Variants in FARP2 observed in about 807,000 individuals in gnomAD.
FARP2 encodes the protein FERM, ARH/RhoGEF and pleckstrin domain protein 2.
In FARP2, 111 loss-of-function variants were observed where a neutral mutation model predicts 130.5. The observed-to-expected ratio is 0.85, with a 90% confidence interval of 0.73 to 1.00. The LOEUF is 1.00. Among genes scored for constraint, FARP2 ranks in the 50% least tolerant of loss-of-function variants. The pLI, the probability that FARP2 is intolerant of heterozygous loss-of-function variation, is 0.00. For synonymous variants in FARP2, 504 were observed against 516.9 expected (o/e 0.98, Z 0.34); for missense variants, 1,385 against 1,346.3 (o/e 1.03, Z -0.45).
intron 18 of FARP2, among the ~76,000 whole-genome samples, chr2:241,471,653 C>A (rs188529818): frequency 6.6e-5 from 10 of 151,728 alleles, no homozygotes; most frequent in Non-Finnish European, 1.3e-4. Context: ...GACACCACGC[C>A]TGTCTAATTT....
At chr2:241,474,798 TAATAATAAATAAATA>T (rs2064412044) in intron 18 of FARP2, among the ~76,000 whole-genome samples, 2 of 104,178 alleles carry the variant, frequency 1.9e-5, no homozygotes, top group African/African-American at 3.6e-5. Flanking sequence ...TCTCTAATAA[TAATAATAAATAAATA>T]AATAAATAAA....
intron 2 of FARP2, 101 bp from the exon 3 acceptor site, chr2:241,403,727 G>A: frequency 6.4e-6 from 4 of 621,450 alleles, no homozygotes; most frequent in South Asian, 5.0e-5. Context: ...GGAAGACAAA[G>A]TGATTTTATG....
chr2:241,480,249 CAT>C (rs2064581328), intron 19 of FARP2, among the ~76,000 whole-genome samples: 1 of 136,086 alleles, frequency 7.3e-6, no homozygotes, highest in Non-Finnish European at 1.7e-5. Context: ...GCCTAGGCCT[CAT>C]CTTCTTCTTT....
At chr2:241,471,774 C>T (rs1426131015) in intron 18 of FARP2, among the ~76,000 whole-genome samples, 4 of 152,110 alleles carry the variant, frequency 2.6e-5, no homozygotes, top group Admixed American at 6.5e-5. Context: ...GGATTACAGG[C>T]ATGAGCCACC....
intron 2 of FARP2, among the ~76,000 whole-genome samples, chr2:241,381,226 G>C (rs939499511): frequency 1.3e-5 from 2 of 152,048 alleles, no homozygotes; most frequent in African/African-American, 4.8e-5. Flanking sequence ...GGCCTGTTCT[G>C]ATTGCCACCG....
chr2:241,424,800 A>G (rs144426609), intron 8 of FARP2, among the ~76,000 whole-genome samples: 51 of 152,352 alleles, frequency 3.3e-4, no homozygotes, highest in African/African-American at 1.2e-3. Context: ...ATAAACGATC[A>G]TCAGAGAATG....
rs535884301 is a variant in FARP2, at chr2:241,467,426, G to C, written c.1894-714G>C. 3.9e-5 allele frequency among the ~76,000 whole-genome samples: 6 copies of C among 152,182 alleles called. No individual in the cohort carries two copies. In the South Asian group the frequency reaches 6.2e-4, roughly 16 times the overall value. ...TTTGGGAGGCTGAGATGGGTGGATT[G>C]CTTAAGCTCAGGAGTTCGAGACCAG... On this transcript the variant is annotated intron_variant, in intron 17 of 26. Transcript: ENST00000264042.
chr2:241,488,192 T>G (rs1281628028), intron 21 of FARP2: 1 of 152,184 alleles, frequency 6.6e-6, no homozygotes, highest in East Asian at 1.9e-4. Flanking sequence ...GTATGGGCAC[T>G]TGAAGTTCCG....
chr2:241,387,445 G>A (rs2061810665), intron 2 of FARP2: 1 of 152,176 alleles, frequency 6.6e-6, no homozygotes, highest in Non-Finnish European at 1.5e-5. Context: ...AATATACCAA[G>A]ATCAATTGCA....
At chr2:241,410,105 C>A (rs2062475766) in intron 5 of FARP2, among the ~76,000 whole-genome samples, 1 of 152,192 alleles carries the variant, frequency 6.6e-6, no homozygotes, top group African/African-American at 2.4e-5. Context: ...GTAATTCACG[C>A]TCAGTAATTA....
chr2:241,379,042 C>T lies in FARP2; in HGVS notation c.183+5752C>T, dbSNP rs1003847119. ...TGCCTTGTCTTGTGTGCTAAGTCAT[C>T]GGGTAGAAATACTTTCAGCTCCAAA... On this transcript the variant is annotated intron_variant, in intron 2 of 26. Transcript: ENST00000264042. Among the ~76,000 whole-genome samples, 28 of 152,108 alleles carry T rather than the reference C, an allele frequency of 1.8e-4. 1 individual carries two copies. Among genetic ancestry groups the T allele is most frequent in the African/African-American group, 6.3e-4 (26 of 41,404 alleles).
At chr2:241,434,831 G>A (rs2063181750) in intron 10 of FARP2, 131 bp from the exon 11 acceptor site, 1 of 649,738 alleles carries the variant, frequency 1.5e-6, no homozygotes, top group Non-Finnish European at 2.7e-6. Flanking sequence ...GCGAGACTCA[G>A]TCTCAAAAAA....
At chr2:241,410,397 T>C (rs992161610) in intron 5 of FARP2, among the ~76,000 whole-genome samples, 8 of 151,714 alleles carry the variant, frequency 5.3e-5, no homozygotes, top group Admixed American at 2.0e-4. Context: ...TAATTATATG[T>C]GGGTAGATGG....
chr2:241,410,788 C>T (rs1051045176), intron 5 of FARP2, among the ~76,000 whole-genome samples: 3 of 152,122 alleles, frequency 2.0e-5, no homozygotes, highest in Non-Finnish European at 2.9e-5. Context: ...ACTTCCTTTG[C>T]GCTCTCCCAT....
intron 18 of FARP2, among the ~76,000 whole-genome samples, chr2:241,472,688 G>A (rs1001739614): frequency 2.0e-5 from 3 of 151,990 alleles, no homozygotes; most frequent in Non-Finnish European, 4.4e-5. Flanking sequence ...TCTGTTCTGA[G>A]GGGACTCTGT....
chr2:241,408,805 T>G (rs186788075), intron 5 of FARP2, among the ~76,000 whole-genome samples: 8 of 152,314 alleles, frequency 5.3e-5, no homozygotes, highest in Non-Finnish European at 1.0e-4. Context: ...TTTTAAAGGT[T>G]TCTGCATATC....
At chr2:241,360,496 C>T (rs2061162320) in intron 1 of FARP2, among the ~76,000 whole-genome samples, 2 of 151,666 alleles carry the variant, frequency 1.3e-5, no homozygotes. Context: ...CACAGTGAAA[C>T]CCCCCGTCTC....
intron 13 of FARP2, among the ~76,000 whole-genome samples, chr2:241,450,543 G>A (rs1466988388): frequency 2.6e-5 from 4 of 152,084 alleles, no homozygotes; most frequent in Admixed American, 2.6e-4. Context: ...GTGTGTGCCT[G>A]TAATCCCAGC....
intron 14 of FARP2, among the ~76,000 whole-genome samples, chr2:241,462,083 C>T (rs1369678259): frequency 6.6e-6 from 1 of 152,206 alleles, no homozygotes; most frequent in Admixed American, 6.5e-5. Context: ...GTATGTTCCA[C>T]GTCTGCATCA....
Sources: gnomAD v4.1 joint callset for allele counts (sites outside exome capture counted in the v4.1 genomes callset) on GRCh38, gnomAD v4.1.1 for gene constraint, MANE v1.5 for transcripts, NCBI Gene and HGNC (gene_info 2026-07-23, HGNC 2026-07-21) for gene names.